Variants in TWF1 observed in about 807,000 individuals in gnomAD.
The protein encoded by TWF1 is twinfilin-1.
Under a neutral mutation model 47.9 loss-of-function variants are expected in TWF1, and 14 were observed. The ratio of observed to expected loss-of-function variants is 0.29; its 90% CI spans 0.19 to 0.46. The LOEUF (loss-of-function observed/expected upper bound fraction) is 0.46, where lower values mean the gene tolerates loss of function less well. Among genes scored for constraint, TWF1 ranks in the 20% least tolerant of loss-of-function variants. TWF1 has a pLI of 1.00. For missense variants in TWF1, 281 were observed against 409.3 expected, an observed-to-expected ratio of 0.69 and a Z score of 2.70; for synonymous variants, 96 against 139.2, an observed-to-expected ratio of 0.69 and a Z score of 2.18.
chr12:43,801,572 T>C (rs918698612), intron 3 of TWF1, among the ~76,000 whole-genome samples: 8 of 152,224 alleles, frequency 5.3e-5, no homozygotes, highest in African/African-American at 1.9e-4. Context: ...AATACTTGTT[T>C]GTATGCAGGC....
intron 2 of TWF1, 50 bp from the exon 3 acceptor site, chr12:43,802,514 G>C (rs1165349277): frequency 1.5e-6 from 2 of 1,342,782 alleles, no homozygotes; most frequent in Non-Finnish European, 2.1e-6. Flanking sequence ...GAGATATCAA[G>C]TGGTAGTGTG....
chr12:43,797,973 C>T (rs1051849084), intron 5 of TWF1, 140 bp from the exon 6 acceptor site: 34 of 852,054 alleles, frequency 4.0e-5, no homozygotes, highest in Non-Finnish European at 5.2e-5. Context: ...CATTTGTTTA[C>T]GGTCCTGCTA....
rs1942537799 is a variant in TWF1 at position 43,795,713 on chromosome 12, A to G, written c.925T>C (p.Tyr309His). Residue 309 changes from tyrosine (Y) to histidine (H), a missense_variant, in exon 9 of 9, where the codon TAT becomes CAT. Tyr to His is a moderately conservative substitution (Grantham distance 83). Transcript: ENST00000395510. Reference protein sequence around the residue: ...NGDELTADFLYEEVHPKQHAH... With the variant: ...NGDELTADFLHEEVHPKQHAH... ...TGCTGCTTGGGATGTACTTCTTCAT[A>G]AAGGAAGTCTGCAGTCAACTCATCC... 1 of 1,613,950 alleles carries G rather than the reference A, an allele frequency of 6.2e-7. No individual in the cohort carries two copies. The highest frequency in any genetic ancestry group is 1.1e-5 in the South Asian group (1 of 91,076).
In TWF1 at chr12:43,794,899, G is replaced by C. The variant is rs1942522794; in HGVS notation, c.*686C>G. Reference sequence around the variant, plus strand: ...CTGAACATAAATGTTTGGCCTCACAGAGCATTAGAAAGATAATTTACTAAG... The same window carrying C: ...CTGAACATAAATGTTTGGCCTCACACAGCATTAGAAAGATAATTTACTAAG... On this transcript the variant is annotated 3_prime_UTR_variant, in exon 9 of 9. Transcript: ENST00000395510. 6.6e-6 allele frequency: 1 copy of C among 152,084 alleles called. No individual in the cohort carries two copies. The highest frequency in any genetic ancestry group is 6.5e-5 in the Admixed American group (1 of 15,268). The allele number at this position is 152,084 out of a possible 1,614,324, so 9.4% of individuals were successfully genotyped here. A position where few individuals can be genotyped will look rare whatever the true frequency, so the allele number is the denominator to read the frequency against.
intron 8 of TWF1, 104 bp from the exon 9 acceptor site, chr12:43,795,859 G>C: frequency 8.9e-7 from 1 of 1,124,154 alleles, no homozygotes; most frequent in Admixed American, 2.3e-5. Context: ...TTCCAGTAAG[G>C]CAGAATCAAG....
rs71435960 is a variant in TWF1, at chr12:43,806,158, C to CCTCCCGGCTCTCCCGGCT, written c.25+45_25+62dup. Reference sequence around the variant, plus strand: ...ACTCCAGCCCTGCCGGTCCTGCAGCCCTCCCGGCTCTCCCGGCTCTCCCGG... The same window carrying CCTCCCGGCTCTCCCGGCT: ...ACTCCAGCCCTGCCGGTCCTGCAGCCCTCCCGGCTCTCCCGGCTCTCCCGGCTCTCCCGGCTCTCCCGG... On this transcript the variant is annotated intron_variant, in intron 1 of 8. Transcript: ENST00000395510. The CCTCCCGGCTCTCCCGGCT allele has an allele frequency of 1.1e-4, 174 of 1,534,356 alleles. No homozygotes were observed. The African/African-American group carries it at 1.4e-3, about 12-fold the overall frequency.
In TWF1 at chr12:43,802,451, A is replaced by G. The variant is rs1592280886; in HGVS notation, c.117T>C (p.Ile39=). The change falls in exon 3 of 9, where the codon ATT becomes ATC. Residue 39 remains isoleucine, a synonymous_variant. Coordinates refer to ENST00000395510, the MANE Select transcript of TWF1 (RefSeq NM_002822.5). ...KISIENEQLV[I]GSYSQPSDSW... ...AATCTGAAGGCTGACTATATGATCC[A>G]ATCACAAGTTGCTCTATGAAAAATT... 1 of 1,601,042 alleles carries G rather than the reference A, an allele frequency of 6.2e-7. No homozygotes were observed. The highest frequency in any genetic ancestry group is 2.3e-5 in the East Asian group (1 of 44,374).
intron 3 of TWF1, among the ~76,000 whole-genome samples, chr12:43,801,753 GAC>G (rs1457614099): frequency 6.6e-6 from 1 of 152,150 alleles, no homozygotes; most frequent in African/African-American, 2.4e-5. Flanking sequence ...AATTAGGTTG[GAC>G]ACAGTGGCTC....
intron 8 of TWF1, 105 bp from the exon 9 acceptor site, chr12:43,795,860 C>G (rs1942540592): frequency 3.6e-6 from 4 of 1,126,168 alleles, no homozygotes; most frequent in Admixed American, 2.3e-5. Context: ...TCCAGTAAGG[C>G]AGAATCAAGG....
intron 8 of TWF1, 41 bp downstream of exon 8, chr12:43,796,935 A>G (rs1358174076): frequency 6.3e-7 from 1 of 1,592,052 alleles, no homozygotes; most frequent in Admixed American, 1.8e-5. Context: ...ATGAAAAGAA[A>G]AATTTAGCAA....
chr12:43,804,633 A>G, intron 1 of TWF1, 61 bp from the exon 2 acceptor site: 1 of 1,186,498 alleles, frequency 8.4e-7, no homozygotes, highest in Non-Finnish European at 1.2e-6. Flanking sequence ...TTTCCTATCT[A>G]TATTGGAAAA....
chr12:43,799,256 T>C (rs1213358010), intron 5 of TWF1, 142 bp downstream of exon 5: 3 of 481,618 alleles, frequency 6.2e-6, no homozygotes, highest in African/African-American at 2.0e-5. Flanking sequence ...ATTAAGCACA[T>C]AGCCTTATCT....
rs141695863 is a variant in TWF1 at position 43,804,004 on chromosome 12, T to C, written c.103+491A>G. The C allele has an allele frequency of 1.1e-3, 214 of 196,484 alleles. 1 individual carries two copies. The highest frequency in any genetic ancestry group is 4.5e-3 in the African/African-American group (192 of 42,708). The allele number at this position is 196,484 out of a possible 1,614,324, so 12.2% of individuals were successfully genotyped here. ...GAATTATTTTTAAAGAATCAATTTG[T>C]AGTTTGTTATATTCTCAGAACTTTC... On this transcript the variant is annotated intron_variant, in intron 2 of 8. Coordinates refer to ENST00000395510, the MANE Select transcript of TWF1 (RefSeq NM_002822.5).
chr12:43,806,144 G>T (rs770640640), intron 1 of TWF1, 77 bp downstream of exon 1: 1 of 1,531,658 alleles, frequency 6.5e-7, no homozygotes, highest in Admixed American at 2.0e-5. Flanking sequence ...CTCCAGCCCT[G>T]CCGGTCCTGC....
intron 1 of TWF1, among the ~76,000 whole-genome samples, chr12:43,804,879 T>C (rs1303030123): frequency 1.3e-5 from 2 of 152,244 alleles, no homozygotes; most frequent in African/African-American, 2.4e-5. Flanking sequence ...ATTACAATTT[T>C]GAAAAACTTT....
chr12:43,805,912 G>T (rs1431628071), intron 1 of TWF1: 1 of 1,495,052 alleles, frequency 6.7e-7, no homozygotes, highest in South Asian at 1.1e-5. Context: ...GGGAAAGTTG[G>T]GCGACTGTCG....
intron 3 of TWF1, among the ~76,000 whole-genome samples, chr12:43,801,795 C>T (rs778790161): frequency 1.3e-4 from 20 of 151,990 alleles, no homozygotes; most frequent in South Asian, 6.2e-4. Context: ...TTTGGGAGGC[C>T]GAGGTGGGTG....
intron 5 of TWF1, chr12:43,798,656 C>A: frequency 2.1e-6 from 3 of 1,417,672 alleles, no homozygotes; most frequent in South Asian, 2.7e-5. Flanking sequence ...AAGCCCTACT[C>A]AAATAATATG....
intron 2 of TWF1, among the ~76,000 whole-genome samples, chr12:43,803,493 G>C (rs1464621833): frequency 6.6e-6 from 1 of 152,006 alleles, no homozygotes; most frequent in East Asian, 1.9e-4. Context: ...TTTAGTCTTT[G>C]GAATTTTCCT....
Sources: allele counts gnomAD v4.1 joint callset (sites outside exome capture counted in the v4.1 genomes callset), GRCh38; gene constraint gnomAD v4.1.1; transcripts MANE v1.5; gene names NCBI Gene and HGNC (gene_info 2026-07-23, HGNC 2026-07-21).